Variants in PDE11A observed in about 807,000 individuals in gnomAD.
PDE11A encodes the protein dual 3',5'-cyclic-AMP and -GMP phosphodiesterase 11A.
Under a neutral mutation model 100.5 loss-of-function variants are expected in PDE11A, and 100 were observed. The ratio of observed to expected loss-of-function variants is 1.00; its 90% CI spans 0.85 to 1.18. The LOEUF is 1.18. Among genes scored for constraint, PDE11A ranks in the 50% most tolerant of loss-of-function variants. The pLI is 0.00. For synonymous variants in PDE11A, 381 were observed against 420.8 expected (o/e 0.91, Z 1.16); for missense variants, 1,141 against 1,152.6 (o/e 0.99, Z 0.15).
chr2:178,087,377 G>A (rs1159036438), intron 2 of PDE11A, among the ~76,000 whole-genome samples: 2 of 151,450 alleles, frequency 1.3e-5, no homozygotes, highest in African/African-American at 2.4e-5. Context: ...AGAAAATGTC[G>A]TATATATACA....
chr2:178,104,183 T>C (rs1198659701), intron 2 of PDE11A: 3 of 877,290 alleles, frequency 3.4e-6, no homozygotes, highest in East Asian at 2.4e-5. Flanking sequence ...ATTTCAGTAA[T>C]ATGTAAAGAG....
Position 177,727,041 on chromosome 2 carries a change from T to C in PDE11A, c.2043+617A>G, listed in dbSNP as rs904178553. ...TTGTTTCAATATTTGCCACAAACAT[T>C]TGCTTTGAGATTAAATTCCAAGGCT... On this transcript the variant is annotated intron_variant, in intron 12 of 19. Coordinates refer to ENST00000286063, the MANE Select transcript of PDE11A (RefSeq NM_016953.4). Among the ~76,000 whole-genome samples the C allele has an allele frequency of 4.6e-5, 7 of 152,220 alleles. No individual in the cohort carries two copies. The East Asian group carries it at 1.2e-3, about 25-fold the overall frequency.
At chr2:177,849,434 T>C (rs1283909707) in intron 5 of PDE11A, among the ~76,000 whole-genome samples, 1 of 152,070 alleles carries the variant, frequency 6.6e-6, no homozygotes, top group East Asian at 1.9e-4. Context: ...TGTGGGGTTT[T>C]CTCCATCGTC....
intron 2 of PDE11A, among the ~76,000 whole-genome samples, chr2:177,968,964 C>T (rs1364836653): frequency 2.0e-5 from 3 of 152,192 alleles, no homozygotes; most frequent in South Asian, 4.1e-4. Flanking sequence ...AGAACACATA[C>T]ACATGTATGT....
intron 13 of PDE11A, among the ~76,000 whole-genome samples, chr2:177,706,001 C>G (rs554146035): frequency 6.6e-6 from 1 of 152,308 alleles, no homozygotes; most frequent in African/African-American, 2.4e-5. Context: ...CTAGAGAAAA[C>G]AGGGGAGAGG....
intron 4 of PDE11A, among the ~76,000 whole-genome samples, chr2:177,892,894 A>G (rs1039076314): frequency 1.3e-5 from 2 of 152,318 alleles, no homozygotes; most frequent in African/African-American, 4.8e-5. Flanking sequence ...GAAAAGTTGC[A>G]TTTGCCTCTC....
chr2:178,083,974 G>A (rs75218602), intron 2 of PDE11A, among the ~76,000 whole-genome samples: 26 of 152,246 alleles, frequency 1.7e-4, no homozygotes, highest in Non-Finnish European at 2.9e-4. Flanking sequence ...AGTGTGGTAT[G>A]TATCAATAGC....
At chr2:177,907,477 T>C (rs1045772877) in intron 2 of PDE11A, among the ~76,000 whole-genome samples, 3 of 152,252 alleles carry the variant, frequency 2.0e-5, no homozygotes, top group Non-Finnish European at 2.9e-5. Flanking sequence ...TGTTAAGCAT[T>C]GTATATGCAT....
At chr2:177,694,435 T>C (rs1237256707) in intron 15 of PDE11A, among the ~76,000 whole-genome samples, 2 of 151,914 alleles carry the variant, frequency 1.3e-5, no homozygotes, top group African/African-American at 4.8e-5. Flanking sequence ...ATCCAGAAAA[T>C]AGATGAAAGA....
intron 10 of PDE11A, among the ~76,000 whole-genome samples, chr2:177,730,876 A>G (rs530031073): frequency 4.6e-5 from 7 of 152,250 alleles, no homozygotes; most frequent in African/African-American, 1.7e-4. Context: ...ACATTGTCAT[A>G]CAACAGATCT....
chr2:177,892,209 G>A (rs372149875), intron 4 of PDE11A, among the ~76,000 whole-genome samples: 15 of 152,048 alleles, frequency 9.9e-5, no homozygotes, highest in African/African-American at 3.6e-4. Context: ...TCTTCAACTT[G>A]CATTTATTTT....
In PDE11A at chr2:177,697,412, G is replaced by A; in HGVS notation, c.2265C>T (p.Asn755=). 6.3e-7 allele frequency: 1 copy of A among 1,580,642 alleles called. No individual in the cohort carries two copies. Among genetic ancestry groups the A allele is most frequent in the Non-Finnish European group, 8.7e-7 (1 of 1,149,740 alleles). ...LQSEGHNIFA[N]LSSKEYSDLM... is the part of the protein sequence containing the mutation. ...GGTCACTATATTCCTTGGAGGACAG[G>A]TTAGCAAAGATATTGTGACCCTGTA... Residue 755 remains asparagine (N), a synonymous_variant, in exon 15 of 20, where the codon AAC becomes AAT. Coordinates refer to ENST00000286063, the MANE Select transcript of PDE11A (RefSeq NM_016953.4).
At chr2:177,834,315 A>C (rs2083355956) in intron 6 of PDE11A, among the ~76,000 whole-genome samples, 1 of 152,154 alleles carries the variant, frequency 6.6e-6, no homozygotes. Context: ...TTGTCCTCAG[A>C]CTTTTTCTGA....
At chr2:177,857,286 GA>G (rs2083854016) in intron 5 of PDE11A, among the ~76,000 whole-genome samples, 1 of 151,854 alleles carries the variant, frequency 6.6e-6, no homozygotes, top group East Asian at 1.9e-4. Flanking sequence ...TGTCCTGTAA[GA>G]AATACAAAAA....
chr2:177,632,169 A>C (rs1303015313), intron 19 of PDE11A, among the ~76,000 whole-genome samples: 1 of 152,232 alleles, frequency 6.6e-6, no homozygotes, highest in Non-Finnish European at 1.5e-5. Flanking sequence ...GGAAGCTCTT[A>C]AAGAGTCAAG....
chr2:178,042,854 G>A (rs755858075), intron 1 of PDE11A, among the ~76,000 whole-genome samples: 38 of 152,054 alleles, frequency 2.5e-4, no homozygotes, highest in Non-Finnish European at 3.7e-4. Flanking sequence ...GGGCAAGAGC[G>A]CTTAACCAAG....
Position 177,816,861 on chromosome 2 carries a change from T to C in PDE11A, c.1705A>G (p.Lys569Glu). Residue 569 changes from lysine (K) to glutamate (E), a missense_variant, in exon 9 of 20, where the codon AAG becomes GAG. Coordinates refer to ENST00000286063, the MANE Select transcript of PDE11A (RefSeq NM_016953.4). Reference sequence around the variant, plus strand: ...GCCACAGACTGCTTGGCCCAGGACTTCTTCACTTGATCATACATAATTGTG... The same window carrying C: ...GCCACAGACTGCTTGGCCCAGGACTCCTTCACTTGATCATACATAATTGTG... ...NNTIMYDQVK[K>E]SWAKQSVALD... 4 of 1,609,070 alleles carry C rather than the reference T, an allele frequency of 2.5e-6. No individual in the cohort carries two copies. The highest frequency in any genetic ancestry group is 1.7e-6 in the Non-Finnish European group (2 of 1,175,446).
chr2:178,055,111 T>C (rs1469356806), intron 1 of PDE11A, among the ~76,000 whole-genome samples: 2 of 152,076 alleles, frequency 1.3e-5, no homozygotes, highest in Non-Finnish European at 2.9e-5. Context: ...TGTCCATCAA[T>C]GATAGACTGG....
chr2:178,029,892 G>T (rs898384228), intron 1 of PDE11A, among the ~76,000 whole-genome samples: 3 of 152,206 alleles, frequency 2.0e-5, no homozygotes, highest in African/African-American at 7.2e-5. Context: ...TTGCAGAAGT[G>T]GGTCTGCCTC....
Sources: allele counts gnomAD v4.1 joint callset (sites outside exome capture counted in the v4.1 genomes callset), GRCh38; gene constraint gnomAD v4.1.1; transcripts MANE v1.5; gene names NCBI Gene and HGNC (gene_info 2026-07-23, HGNC 2026-07-21).